AKAP6: variants seen among roughly 807,000 people sequenced by gnomAD.
AKAP6 encodes the protein A-kinase anchoring protein 6, also known as A-kinase anchor protein 6.
AKAP6 carries 58 observed loss-of-function variants against 188.5 expected under a neutral mutation model. The ratio of observed to expected loss-of-function variants is 0.31; its 90% CI spans 0.25 to 0.38. The LOEUF (loss-of-function observed/expected upper bound fraction) is 0.38. Among genes scored for constraint, AKAP6 ranks in the 10% least tolerant of loss-of-function variants. The pLI, the probability that AKAP6 is intolerant of heterozygous loss-of-function variation, is 1.00. For missense variants in AKAP6, 2,710 were observed against 2,740.0 expected (o/e 0.99, Z 0.24); for synonymous variants, 989 against 998.6 (o/e 0.99, Z 0.18).
intron 9 of AKAP6, among the ~76,000 whole-genome samples, chr14:32,708,596 T>TCA (rs1237805104): frequency 6.6e-6 from 1 of 152,066 alleles, no homozygotes; most frequent in Non-Finnish European, 1.5e-5. Context: ...ATTATACTAT[T>TCA]CATAATTTTA....
At chr14:32,699,457 T>G (rs111859878) in intron 9 of AKAP6, among the ~76,000 whole-genome samples, 10 of 152,230 alleles carry the variant, frequency 6.6e-5, no homozygotes, top group African/African-American at 2.2e-4. Flanking sequence ...AAGTGGACTT[T>G]CTATTTGAAC....
chr14:32,329,541 C>T (rs192560453), intron 1 of AKAP6, 133 bp downstream of exon 1: 54 of 152,126 alleles, frequency 3.5e-4, no homozygotes, highest in African/African-American at 1.2e-3. Context: ...TTACCTAAAT[C>T]GTTTTTCAGG....
At chr14:32,742,799 C>T (rs1010302139) in intron 11 of AKAP6, among the ~76,000 whole-genome samples, 2 of 151,934 alleles carry the variant, frequency 1.3e-5, no homozygotes, top group Non-Finnish European at 2.9e-5. Context: ...TATGGTCTAT[C>T]CTTGAGAATG....
At chr14:32,742,643 T>C (rs10131793) in intron 11 of AKAP6, among the ~76,000 whole-genome samples, 25,611 of 151,888 alleles carry the variant, frequency 0.17, 2,263 homozygotes, top group Middle Eastern at 0.22. Context: ...CATTCAGGAG[T>C]GTATTGTTTA....
chr14:32,382,958 G>A (rs1888416125), intron 1 of AKAP6, among the ~76,000 whole-genome samples: 7 of 152,006 alleles, frequency 4.6e-5, no homozygotes. Context: ...CTGGACACTA[G>A]CTTCAAAATT....
At chr14:32,775,508 C>T (rs910297433) in intron 12 of AKAP6, among the ~76,000 whole-genome samples, 6 of 151,220 alleles carry the variant, frequency 4.0e-5, no homozygotes, top group African/African-American at 1.2e-4. Context: ...TCATAGCTTA[C>T]TGCAGCCTCA....
At chr14:32,415,605 G>A (rs914835995) in intron 1 of AKAP6, among the ~76,000 whole-genome samples, 2 of 151,968 alleles carry the variant, frequency 1.3e-5, no homozygotes, top group African/African-American at 4.8e-5. Context: ...TCATCGTATC[G>A]TGCAGCCATC....
chr14:32,728,617 A>G (rs979765363), intron 9 of AKAP6, among the ~76,000 whole-genome samples: 2 of 152,178 alleles, frequency 1.3e-5, no homozygotes, highest in Non-Finnish European at 2.9e-5. Flanking sequence ...ATGACACAGA[A>G]TACAACAGCC....
In AKAP6 at chr14:32,821,450, A is replaced by G. The variant is rs751539191; in HGVS notation, c.3637A>G (p.Ser1213Gly). ...TGGCTTGATGGACCTAAATGGGATG[A>G]GTGAGGATGCCCTGGAATGGGATGA... is the stretch of plus-strand genomic sequence containing the variant. ...DPGLMDLNGM[S>G]EDALEWDEMD... The change falls in exon 13 of 14, where the codon AGT (serine) becomes GGT (glycine). Residue 1213 changes from serine (S) to glycine (G), a missense_variant. Ser to Gly is a moderately conservative substitution (Grantham distance 56). Around this residue, in one of 2 missense-constraint regions of AKAP6, gnomAD observed 2,473 missense variants for 2,426.1 expected, o/e 1.02. Transcript: ENST00000280979. 5.6e-6 allele frequency: 9 copies of G among 1,613,164 alleles called. No homozygotes were observed. In the South Asian group the frequency reaches 6.6e-5, roughly 12 times the overall value.
chr14:32,732,334 C>CT, intron 9 of AKAP6, 120 bp from the exon 10 acceptor site: 1 of 1,077,910 alleles, frequency 9.3e-7, no homozygotes, highest in African/African-American at 1.6e-5. Flanking sequence ...TTAGCCTCCC[C>CT]ATAAATTTTA....
chr14:32,353,921 A>C (rs567721118), intron 1 of AKAP6, among the ~76,000 whole-genome samples: 3 of 152,308 alleles, frequency 2.0e-5, no homozygotes, highest in Non-Finnish European at 4.4e-5. Context: ...GGACCTCTTC[A>C]AGGAGAACTA....
chr14:32,580,701 C>A (rs1323822668), intron 5 of AKAP6, among the ~76,000 whole-genome samples: 1 of 151,996 alleles, frequency 6.6e-6, no homozygotes, highest in Non-Finnish European at 1.5e-5. Flanking sequence ...TATCCCTCCC[C>A]ACTCCCCCCA....
chr14:32,456,143 T>G (rs1891140895), intron 2 of AKAP6, among the ~76,000 whole-genome samples: 1 of 152,182 alleles, frequency 6.6e-6, no homozygotes. Flanking sequence ...TAGTTGATTA[T>G]AAAGCAGAAA....
chr14:32,522,433 T>TACCC (rs1226131472), intron 2 of AKAP6, among the ~76,000 whole-genome samples: 1 of 152,110 alleles, frequency 6.6e-6, no homozygotes, highest in African/African-American at 2.4e-5. Context: ...TTTTACAATC[T>TACCC]ACCCATCTGA....
At chr14:32,631,117 A>C (rs1217120226) in intron 7 of AKAP6, among the ~76,000 whole-genome samples, 1 of 152,058 alleles carries the variant, frequency 6.6e-6, no homozygotes, top group African/African-American at 2.4e-5. Context: ...TCCACAAATA[A>C]CATTTTGTTT....
chr14:32,587,308 GT>G (rs1440992611), intron 5 of AKAP6, among the ~76,000 whole-genome samples: 4 of 152,064 alleles, frequency 2.6e-5, no homozygotes, highest in African/African-American at 9.7e-5. Context: ...TTTTTAAAAA[GT>G]ATTCTGGGGT....
chr14:32,757,711 C>A (rs1030724773), intron 11 of AKAP6, among the ~76,000 whole-genome samples: 2 of 152,200 alleles, frequency 1.3e-5, no homozygotes, highest in Non-Finnish European at 2.9e-5. Flanking sequence ...TTCCAAGGAA[C>A]ACACAGGCTA....
chr14:32,523,510 C>T (rs934000246), intron 2 of AKAP6, among the ~76,000 whole-genome samples: 4 of 150,872 alleles, frequency 2.7e-5, no homozygotes, highest in Non-Finnish European at 4.4e-5. Context: ...ATTCTGTCGC[C>T]CAGGCTAGAG....
chr14:32,475,563 A>T (rs1407388827), intron 2 of AKAP6, among the ~76,000 whole-genome samples: 4 of 152,224 alleles, frequency 2.6e-5, no homozygotes, highest in Admixed American at 2.6e-4. Flanking sequence ...TCAATGTGGA[A>T]GATCGAGCAA....
Sources: gnomAD v4.1 joint callset for allele counts (sites outside exome capture counted in the v4.1 genomes callset) on GRCh38, gnomAD v4.1.1 for gene constraint, gnomAD v4.1.1 regional missense constraint, MANE v1.5 for transcripts, NCBI Gene and HGNC (gene_info 2026-07-23, HGNC 2026-07-21) for gene names.